STAMBPL1: variants seen among roughly 807,000 people sequenced by gnomAD.
The protein encoded by STAMBPL1 is STAM binding protein like 1.
STAMBPL1 carries 44 observed loss-of-function variants against 52.9 expected under a neutral mutation model. The ratio of observed to expected loss-of-function variants is 0.83; its 90% CI spans 0.65 to 1.07. The LOEUF (loss-of-function observed/expected upper bound fraction) is 1.07, where lower values mean the gene tolerates loss of function less well. Ranked by LOEUF, STAMBPL1 falls within the 50% of genes least tolerant of loss-of-function variation. The pLI is 0.00. For synonymous variants in STAMBPL1, 164 were observed against 177.3 expected (o/e 0.92, Z 0.60); for missense variants, 511 against 520.8 (o/e 0.98, Z 0.18).
chr10:88,913,279 C>G lies in STAMBPL1; in HGVS notation c.599C>G (p.Ser200Ter). 6.2e-7 allele frequency: 1 copy of G among 1,613,926 alleles called. No individual in the cohort carries two copies. The highest frequency in any genetic ancestry group is 8.5e-7 in the Non-Finnish European group (1 of 1,179,870). Residue 200 changes from serine to a stop codon, truncating the protein, a stop_gained, in exon 6 of 11, where the codon TCA becomes TGA. Coordinates refer to ENST00000371926, the MANE Select transcript of STAMBPL1 (RefSeq NM_020799.4). LOFTEE classifies it high-confidence loss of function. ...ARGQMRSQQT[S>*]GLSEQIDGSA... Reference sequence around the variant, plus strand: ...GGTCAAATGCGAAGTCAGCAAACCTCAGGGCTGTCAGAGCAGATTGATGGG... The same window carrying G: ...GGTCAAATGCGAAGTCAGCAAACCTGAGGGCTGTCAGAGCAGATTGATGGG...
chr10:88,917,242 G>T (rs758387177), intron 8 of STAMBPL1, among the ~76,000 whole-genome samples: 5 of 152,132 alleles, frequency 3.3e-5, no homozygotes, highest in Non-Finnish European at 5.9e-5. Context: ...GTCTAAATTA[G>T]ATTATTTTAA....
At chr10:88,900,828 C>A (rs1176079048) in intron 1 of STAMBPL1, among the ~76,000 whole-genome samples, 3 of 152,202 alleles carry the variant, frequency 2.0e-5, no homozygotes, top group African/African-American at 7.2e-5. Flanking sequence ...TCTCACAAGG[C>A]AGCAATTGAC....
At chr10:88,914,760 TAA>T in intron 7 of STAMBPL1, 102 bp downstream of exon 7, 1 of 456,340 alleles carries the variant, frequency 2.2e-6, no homozygotes, top group South Asian at 1.0e-4. Flanking sequence ...AAAACCATGC[TAA>T]GAGTTATCAA....
chr10:88,903,573 TAGAGAAC>T (rs1844999758), intron 2 of STAMBPL1, among the ~76,000 whole-genome samples: 1 of 152,248 alleles, frequency 6.6e-6, no homozygotes, highest in African/African-American at 2.4e-5. Context: ...GAACCCCCTT[TAGAGAAC>T]ATTCTGATTT....
rs1285148024 is a variant in STAMBPL1, at chr10:88,913,542, C to T, written c.778+84C>T. 5 of 1,186,462 alleles carry T rather than the reference C, an allele frequency of 4.2e-6. No individual in the cohort carries two copies. The African/African-American group carries it at 4.6e-5, about 11-fold the overall frequency. 73.5% of individuals were successfully genotyped at this position (1,186,462 alleles called of 1,614,324 possible). On this transcript the variant is annotated intron_variant, in intron 6 of 10. Transcript: ENST00000371926. Reference sequence around the variant, plus strand: ...CTATAGCATCTGGGAGGGTCCTTCTCATTTCATTATTAATTGTAGTAGGAC... The same window carrying T: ...CTATAGCATCTGGGAGGGTCCTTCTTATTTCATTATTAATTGTAGTAGGAC...
chr10:88,908,817 C>T (rs1307998573), intron 4 of STAMBPL1, 40 bp downstream of exon 4: 6 of 1,467,714 alleles, frequency 4.1e-6, no homozygotes, highest in Non-Finnish European at 4.6e-6. Flanking sequence ...ATCAAATGCT[C>T]CATAAGTATC....
chr10:88,887,200 A>C (rs1001221968), intron 1 of STAMBPL1, among the ~76,000 whole-genome samples: 7 of 152,210 alleles, frequency 4.6e-5, no homozygotes, highest in Non-Finnish European at 2.9e-5. Flanking sequence ...CTGGGCAAAG[A>C]AACTGCTTAC....
At chr10:88,921,124 G>T (rs781744984) in intron 8 of STAMBPL1, among the ~76,000 whole-genome samples, 159 bp from the exon 9 acceptor site, 3 of 151,956 alleles carry the variant, frequency 2.0e-5, no homozygotes, top group Non-Finnish European at 2.9e-5. Flanking sequence ...GCAAATAGTT[G>T]GCATAAAGGG....
chr10:88,913,165 A>G lies in STAMBPL1; in HGVS notation c.485A>G (p.Lys162Arg), dbSNP rs779524195. 4 of 1,613,486 alleles carry G rather than the reference A, an allele frequency of 2.5e-6. No homozygotes were observed. The African/African-American group carries it at 5.3e-5, about 22-fold the overall frequency. ...CAGAGATTGATAGAGGCAGAAAGGA[A>G]GCGGATTGCTCAGATGCGCCAGCAG... ...EHQRLIEAERKRIAQMRQQQL... is the reference protein window; with the variant it reads ...EHQRLIEAERRRIAQMRQQQL... Residue 162 changes from lysine (K) to arginine (R), a missense_variant, in exon 6 of 11, where the codon AAG becomes AGG. Lys to Arg is a conservative substitution (Grantham distance 26). Coordinates refer to ENST00000371926, the MANE Select transcript of STAMBPL1 (RefSeq NM_020799.4).
At chr10:88,900,121 A>G (rs751096966) in intron 1 of STAMBPL1, among the ~76,000 whole-genome samples, 7 of 152,284 alleles carry the variant, frequency 4.6e-5, no homozygotes, top group South Asian at 4.1e-4. Flanking sequence ...ACTGGAGACA[A>G]TGGAGGGGAA....
intron 1 of STAMBPL1, 21 bp from the exon 2 acceptor site, chr10:88,901,635 T>G: frequency 6.6e-7 from 1 of 1,525,998 alleles, no homozygotes; most frequent in Admixed American, 1.9e-5. Context: ...ACTTTAGTTC[T>G]GCTTCTTGTT....
chr10:88,901,666 T>G lies in STAMBPL1; in HGVS notation c.-43T>G. On this transcript the variant is annotated 5_prime_UTR_variant, in exon 2 of 11. The change creates a new upstream start codon in the 5' untranslated region. Coordinates refer to ENST00000371926, the MANE Select transcript of STAMBPL1 (RefSeq NM_020799.4). Reference sequence around the variant, plus strand: ...TTGTTTTTGAAACAGATGAAGTGATTGAGAAGAAACAGTGAACATCCTCAT... The same window carrying G: ...TTGTTTTTGAAACAGATGAAGTGATGGAGAAGAAACAGTGAACATCCTCAT... 1 of 1,592,134 alleles carries G rather than the reference T, an allele frequency of 6.3e-7. No individual in the cohort carries two copies. Among genetic ancestry groups the G allele is most frequent in the South Asian group, 1.1e-5 (1 of 87,126 alleles).
In STAMBPL1 at chr10:88,916,698, A is replaced by G. The variant is rs759363423; in HGVS notation, c.922A>G (p.Ile308Val). Reference sequence around the variant, plus strand: ...TTTTTAGACACATAATGAATTTACTATTACCCATGTAATTGTGCCAAAGCA... The same window carrying G: ...TTTTTAGACACATAATGAATTTACTGTTACCCATGTAATTGTGCCAAAGCA... ...CGKLTHNEFT[I>V]THVIVPKQSA... The change falls in exon 8 of 11, where the codon ATT (isoleucine) becomes GTT (valine). Residue 308 changes from isoleucine to valine, a missense_variant. Ile to Val is a conservative substitution (Grantham distance 29, BLOSUM62 3). Coordinates refer to ENST00000371926, the MANE Select transcript of STAMBPL1 (RefSeq NM_020799.4). The G allele has an allele frequency of 2.5e-6, 4 of 1,603,346 alleles. No homozygotes were observed. Among genetic ancestry groups the G allele is most frequent in the East Asian group, 4.5e-5 (2 of 44,390 alleles).
intron 1 of STAMBPL1, among the ~76,000 whole-genome samples, chr10:88,885,049 C>T (rs750749215): frequency 2.6e-5 from 4 of 152,188 alleles, no homozygotes; most frequent in Non-Finnish European, 5.9e-5. Context: ...ATTCTTTAAA[C>T]AACCTTATGC....
intron 2 of STAMBPL1, among the ~76,000 whole-genome samples, chr10:88,902,295 G>A (rs1251031520): frequency 6.6e-6 from 1 of 152,154 alleles, no homozygotes; most frequent in African/African-American, 2.4e-5. Flanking sequence ...GACACATTAT[G>A]TAATCTCCAT....
intron 1 of STAMBPL1, among the ~76,000 whole-genome samples, chr10:88,899,656 T>C (rs369274798): frequency 6.6e-6 from 1 of 152,070 alleles, no homozygotes; most frequent in Non-Finnish European, 1.5e-5. Context: ...ATTACAGGCG[T>C]GCACTACCAC....
chr10:88,884,765 G>A (rs1458780066), intron 1 of STAMBPL1, among the ~76,000 whole-genome samples: 1 of 152,142 alleles, frequency 6.6e-6, no homozygotes, highest in Non-Finnish European at 1.5e-5. Flanking sequence ...TGTGCTATAT[G>A]CCAGGCACTG....
At chr10:88,922,217 C>A in intron 9 of STAMBPL1, 120 bp from the exon 10 acceptor site, 2 of 931,126 alleles carry the variant, frequency 2.1e-6, no homozygotes, top group Non-Finnish European at 3.2e-6. Context: ...TATGGAATTC[C>A]TAGTTTGTGA....
chr10:88,922,019 G>A (rs914782435), intron 9 of STAMBPL1, among the ~76,000 whole-genome samples: 6 of 152,104 alleles, frequency 3.9e-5, no homozygotes, highest in South Asian at 2.1e-4. Context: ...TAGAAGATTC[G>A]AAATATCTGC....
Sources: gnomAD v4.1 joint callset for allele counts (sites outside exome capture counted in the v4.1 genomes callset) on GRCh38, gnomAD v4.1.1 for gene constraint, MANE v1.5 for transcripts, NCBI Gene and HGNC (gene_info 2026-07-23, HGNC 2026-07-21) for gene names.